Variants in RSPO2 observed in about 807,000 individuals in gnomAD.
RSPO2 encodes the protein R-spondin-2.
In RSPO2, 14 loss-of-function variants were observed where a neutral mutation model predicts 30.9. That is an observed-to-expected ratio of 0.45 (90% CI 0.30 to 0.71). The LOEUF is 0.71. RSPO2 is among the 30% of genes least tolerant of loss of function. RSPO2 has a pLI of 0.08. For missense variants in RSPO2, 264 were observed against 301.9 expected (o/e 0.87, Z 0.93); for synonymous variants, 107 against 96.4 (o/e 1.11, Z -0.64).
chr8:107,901,259 T>C (rs1811454027), intron 5 of RSPO2, 69 bp from the exon 6 acceptor site: 4 of 1,511,994 alleles, frequency 2.6e-6, no homozygotes, highest in Non-Finnish European at 3.5e-6. Flanking sequence ...AACACAAAAA[T>C]ATTGGGAGTT....
chr8:108,042,900 TCTTTGCTC>T (rs1811800039), intron 2 of RSPO2, among the ~76,000 whole-genome samples: 1 of 146,090 alleles, frequency 6.8e-6, no homozygotes, highest in Non-Finnish European at 1.5e-5. Flanking sequence ...TCACCTCACA[TCTTTGCTC>T]CTTTAACCCC....
chr8:108,045,573 A>T (rs1416638395), intron 2 of RSPO2, among the ~76,000 whole-genome samples: 1 of 152,160 alleles, frequency 6.6e-6, no homozygotes, highest in Non-Finnish European at 1.5e-5. Flanking sequence ...ATTCAGGAGT[A>T]TAAAGAAGTA....
At chr8:108,026,084 G>A (rs1330496101) in intron 2 of RSPO2, among the ~76,000 whole-genome samples, 5 of 152,134 alleles carry the variant, frequency 3.3e-5, no homozygotes, top group Non-Finnish European at 7.3e-5. Flanking sequence ...TGTGCTTCCT[G>A]CTATGAGGCA....
At position 107,974,023 on chromosome 8, in the gene RSPO2, C is replaced by T. The variant is rs1356777966; in HGVS notation, c.284-13206G>A. ...AAATACTGTAAGCCCTCTGTATTGG[C>T]TCATTCCACATCCTCAAACAAACAT... On this transcript the variant is annotated intron_variant, in intron 3 of 5. Transcript: ENST00000276659. Among the ~76,000 whole-genome samples, 3 of 136,422 alleles carry T rather than the reference C, an allele frequency of 2.2e-5. No homozygotes were observed. In the East Asian group the frequency reaches 7.2e-4, roughly 33 times the overall value. 89.5% of individuals were successfully genotyped at this position (136,422 alleles called of 152,430 possible).
intron 2 of RSPO2, among the ~76,000 whole-genome samples, chr8:108,013,598 G>C (rs575352469): frequency 1.3e-5 from 2 of 152,148 alleles, no homozygotes; most frequent in African/African-American, 4.8e-5. Flanking sequence ...CAAGCAATGG[G>C]GAAAGGATTC....
chr8:107,952,560 C>A (rs1324065099), intron 5 of RSPO2, among the ~76,000 whole-genome samples: 1 of 152,164 alleles, frequency 6.6e-6, no homozygotes, highest in Non-Finnish European at 1.5e-5. Context: ...CTCTTCCAAA[C>A]TACTCTTTAG....
intron 2 of RSPO2, among the ~76,000 whole-genome samples, chr8:108,014,053 A>G (rs1032858689): frequency 1.3e-5 from 2 of 152,250 alleles, no homozygotes; most frequent in African/African-American, 4.8e-5. Context: ...GACATTCTCA[A>G]AAGAAGACAT....
intron 5 of RSPO2, among the ~76,000 whole-genome samples, chr8:107,952,087 G>T (rs911498998): frequency 6.6e-6 from 1 of 152,088 alleles, no homozygotes; most frequent in Non-Finnish European, 1.5e-5. Context: ...GGGTGGGCTG[G>T]GGAGAGGAAG....
intron 2 of RSPO2, among the ~76,000 whole-genome samples, chr8:108,007,952 A>G (rs1815507830): frequency 6.6e-6 from 1 of 152,148 alleles, no homozygotes; most frequent in Non-Finnish European, 1.5e-5. Flanking sequence ...CCCCGTATCT[A>G]TGAAAAAAAT....
intron 5 of RSPO2, among the ~76,000 whole-genome samples, chr8:107,950,499 T>TC (rs1813207140): frequency 6.6e-6 from 1 of 151,652 alleles, no homozygotes; most frequent in South Asian, 2.1e-4. Flanking sequence ...GGTGTTTTTT[T>TC]TTTACCATGT....
chr8:107,978,738 C>T (rs865780330), intron 3 of RSPO2, among the ~76,000 whole-genome samples: 7 of 152,106 alleles, frequency 4.6e-5, no homozygotes, highest in Non-Finnish European at 8.8e-5. Flanking sequence ...TCAGAGTGAA[C>T]AGGCAACCTA....
intron 2 of RSPO2, among the ~76,000 whole-genome samples, chr8:107,995,028 G>A (rs184926977): frequency 5.2e-4 from 79 of 152,114 alleles, no homozygotes; most frequent in African/African-American, 1.9e-3. Flanking sequence ...CCCAAAACCA[G>A]GGCTTATTCT....
At chr8:107,967,357 T>C (rs1160730486) in intron 3 of RSPO2, among the ~76,000 whole-genome samples, 2 of 152,146 alleles carry the variant, frequency 1.3e-5, no homozygotes, top group African/African-American at 4.8e-5. Context: ...GTTATAAATA[T>C]CCCAAGTTTT....
At chr8:108,044,634 C>T (rs1414413870) in intron 2 of RSPO2, among the ~76,000 whole-genome samples, 1 of 151,996 alleles carries the variant, frequency 6.6e-6, no homozygotes, top group Non-Finnish European at 1.5e-5. Flanking sequence ...TAGATTGATT[C>T]CATGTCTTTG....
intron 2 of RSPO2, among the ~76,000 whole-genome samples, chr8:107,999,909 A>C (rs557508609): frequency 1.3e-5 from 2 of 152,262 alleles, no homozygotes; most frequent in East Asian, 3.9e-4. Flanking sequence ...ATACATTGGC[A>C]CCTCTGAAGG....
intron 2 of RSPO2, among the ~76,000 whole-genome samples, chr8:108,031,240 G>C (rs2440386): frequency 0.39 from 59,061 of 151,926 alleles, 12,233 homozygotes; most frequent in African/African-American, 0.54. Flanking sequence ...CTATAAAGAG[G>C]GTACTTAAAA....
At chr8:107,941,064 A>G (rs1168290277) in intron 5 of RSPO2, among the ~76,000 whole-genome samples, 2 of 152,096 alleles carry the variant, frequency 1.3e-5, no homozygotes, top group Admixed American at 6.6e-5. Context: ...AATATTTGCT[A>G]TAATGAAAAA....
intron 3 of RSPO2, among the ~76,000 whole-genome samples, chr8:107,978,205 ATCAC>A (rs1814282368): frequency 6.6e-6 from 1 of 152,186 alleles, no homozygotes; most frequent in South Asian, 2.1e-4. Context: ...AGGCGGGCAG[ATCAC>A]CCCAGGTCAG....
chr8:107,946,391 AG>A (rs1475200091), intron 5 of RSPO2, among the ~76,000 whole-genome samples: 2 of 152,206 alleles, frequency 1.3e-5, no homozygotes, highest in African/African-American at 4.8e-5. Context: ...GCCTTTGGAA[AG>A]GGGGGCTGTC....
Sources: gnomAD v4.1 joint callset for allele counts (sites outside exome capture counted in the v4.1 genomes callset) on GRCh38, gnomAD v4.1.1 for gene constraint, MANE v1.5 for transcripts, NCBI Gene and HGNC (gene_info 2026-07-23, HGNC 2026-07-21) for gene names.